Variants in PTPRN2 observed in about 807,000 individuals in gnomAD.
The protein encoded by PTPRN2 is receptor-type tyrosine-protein phosphatase N2.
A neutral mutation model predicts 118.8 loss-of-function variants in PTPRN2; 74 were observed. That is an observed-to-expected ratio of 0.62 (90% CI 0.52 to 0.76). PTPRN2 has a LOEUF of 0.76. Ranked by LOEUF, PTPRN2 falls within the 30% of genes least tolerant of loss-of-function variation. The probability of loss-of-function intolerance (pLI) is 0.00; values close to 1 mark genes in which losing one functional copy is unlikely to be tolerated. For missense variants in PTPRN2, 1,481 were observed against 1,394.4 expected (o/e 1.06, Z -0.99); for synonymous variants, 641 against 608.0 (o/e 1.05, Z -0.80).
chr7:158,357,039 T>C (rs557979868), intron 2 of PTPRN2, among the ~76,000 whole-genome samples: 1 of 152,306 alleles, frequency 6.6e-6, no homozygotes, highest in South Asian at 2.1e-4. Context: ...TTTCTGCAAG[T>C]AACAGAGTGG....
intron 3 of PTPRN2, among the ~76,000 whole-genome samples, chr7:158,306,400 A>T (rs1302382244): frequency 3.9e-5 from 6 of 152,212 alleles, no homozygotes; most frequent in African/African-American, 1.2e-4. Flanking sequence ...GCTCTGGGCC[A>T]GCATGAAGTG....
chr7:158,484,330 C>A (rs1820848646), intron 2 of PTPRN2, among the ~76,000 whole-genome samples: 1 of 152,162 alleles, frequency 6.6e-6, no homozygotes, highest in African/African-American at 2.4e-5. Flanking sequence ...TCTCTACCGA[C>A]TTACCTCTCC....
chr7:157,571,269 T>C (rs527476496), intron 20 of PTPRN2, among the ~76,000 whole-genome samples, 171 bp downstream of exon 20: 3 of 150,088 alleles, frequency 2.0e-5, no homozygotes, highest in African/African-American at 7.4e-5. Flanking sequence ...CAACGCCCAA[T>C]TGTATTTACC....
At chr7:158,576,368 C>T (rs777288122) in intron 1 of PTPRN2, among the ~76,000 whole-genome samples, 11 of 152,244 alleles carry the variant, frequency 7.2e-5, no homozygotes, top group Non-Finnish European at 1.5e-4. Flanking sequence ...CACAACTCTG[C>T]CTCAAAGCCT....
chr7:158,076,331 G>A (rs1018372521), intron 11 of PTPRN2, among the ~76,000 whole-genome samples: 1 of 152,186 alleles, frequency 6.6e-6, no homozygotes, highest in South Asian at 2.1e-4. Context: ...GTGTGTGGGA[G>A]CGTGGATGGC....
At chr7:157,841,316 C>A (rs534872422) in intron 12 of PTPRN2, among the ~76,000 whole-genome samples, 1 of 152,338 alleles carries the variant, frequency 6.6e-6, no homozygotes, top group South Asian at 2.1e-4. Context: ...AAACTGTGAA[C>A]GAGGACATTA....
intron 2 of PTPRN2, among the ~76,000 whole-genome samples, chr7:158,440,891 T>G (rs1016266895): frequency 2.2e-3 from 264 of 120,180 alleles, no homozygotes; most frequent in Non-Finnish European, 4.1e-3. Flanking sequence ...GTGGTGAAGG[T>G]GGTGGTGGTG....
chr7:158,506,608 C>G (rs1449602211), intron 1 of PTPRN2, among the ~76,000 whole-genome samples: 1 of 151,812 alleles, frequency 6.6e-6, no homozygotes, highest in Non-Finnish European at 1.5e-5. Context: ...TCTACAGGAG[C>G]CCCATGAACA....
At position 158,187,520 on chromosome 7, in the gene PTPRN2, G is replaced by A. The variant is rs894365579; in HGVS notation, c.549+4807C>T. Among the ~76,000 whole-genome samples the A allele has an allele frequency of 2.0e-5, 3 of 152,044 alleles. No individual in the cohort carries two copies. In the East Asian group the frequency reaches 5.8e-4, roughly 30 times the overall value. On this transcript the variant is annotated intron_variant, in intron 5 of 22. Transcript: ENST00000389418. ...TCTGCACGGCAGCGCTGCAGCCTCT[G>A]GTCACGCACTTCCTGTGCTTATTCA...
At chr7:157,931,360 A>G (rs1450943290) in intron 11 of PTPRN2, among the ~76,000 whole-genome samples, 2 of 152,370 alleles carry the variant, frequency 1.3e-5, no homozygotes, top group Non-Finnish European at 2.9e-5. Context: ...TGCTGCTTCC[A>G]GGCAGGTCCA....
chr7:158,146,526 C>A (rs183395120), intron 6 of PTPRN2, among the ~76,000 whole-genome samples: 2 of 152,058 alleles, frequency 1.3e-5, no homozygotes, highest in East Asian at 3.9e-4. Flanking sequence ...TCAAGACCAT[C>A]CTGACTAACA....
At chr7:158,428,441 A>G (rs1473119635) in intron 2 of PTPRN2, among the ~76,000 whole-genome samples, 4 of 152,156 alleles carry the variant, frequency 2.6e-5, no homozygotes, top group South Asian at 2.1e-4. Context: ...GGAGAAAACT[A>G]AAATTATTTG....
At chr7:158,166,675 G>A (rs1409494137) in intron 6 of PTPRN2, among the ~76,000 whole-genome samples, 2 of 152,028 alleles carry the variant, frequency 1.3e-5, no homozygotes, top group African/African-American at 4.8e-5. Context: ...CCATCCCACT[G>A]TCAGGATCAC....
rs368046405 is a variant in PTPRN2, at chr7:158,426,113, T to A, written c.163+63622A>T. 4.8e-3 allele frequency among the ~76,000 whole-genome samples: 3 copies of A among 622 alleles called. 1 individual carries two copies. The highest frequency in any genetic ancestry group is 7.8e-3 in the Non-Finnish European group (3 of 384). The allele number at this position is 622 out of a possible 152,430, so 0.4% of individuals were successfully genotyped here. A position where few individuals can be genotyped will look rare whatever the true frequency, so the allele number is the denominator to read the frequency against. On this transcript the variant is annotated intron_variant, in intron 2 of 22. Coordinates refer to ENST00000389418, the MANE Select transcript of PTPRN2 (RefSeq NM_002847.5). ...CTGCGCACCGCCGGGAAAGACGCGG[T>A]GTCCGAGACCAGCCTAGCTGAGGCC...
intron 12 of PTPRN2, among the ~76,000 whole-genome samples, chr7:157,698,086 T>G (rs1364540595): frequency 1.3e-5 from 2 of 152,246 alleles, no homozygotes; most frequent in Non-Finnish European, 2.9e-5. Context: ...TGGGAAGATT[T>G]TTAAGATAAG....
intron 2 of PTPRN2, among the ~76,000 whole-genome samples, chr7:158,484,080 G>T (rs1820825588): frequency 6.6e-6 from 1 of 152,188 alleles, no homozygotes; most frequent in South Asian, 2.1e-4. Flanking sequence ...GGAGTTCAAG[G>T]CTGCGTTAGG....
chr7:157,696,702 C>A (rs1225357653), intron 12 of PTPRN2, among the ~76,000 whole-genome samples: 4 of 145,122 alleles, frequency 2.8e-5, no homozygotes, highest in East Asian at 2.1e-4. Context: ...CACCGTCTAC[C>A]CATGCATACT....
At chr7:157,644,808 A>AC (rs1323840737) in intron 14 of PTPRN2, among the ~76,000 whole-genome samples, 39 of 129,704 alleles carry the variant, frequency 3.0e-4, no homozygotes, top group Middle Eastern at 4.4e-3. Context: ...AAAACAAAAA[A>AC]AAAAAAACAA....
chr7:158,199,395 G>C (rs1826457597), intron 4 of PTPRN2, among the ~76,000 whole-genome samples: 1 of 152,184 alleles, frequency 6.6e-6, no homozygotes. Flanking sequence ...GGCTTACTCT[G>C]CTTAAGGGAC....
Sources: allele counts gnomAD v4.1 joint callset (sites outside exome capture counted in the v4.1 genomes callset), GRCh38; gene constraint gnomAD v4.1.1; transcripts MANE v1.5; gene names NCBI Gene and HGNC (gene_info 2026-07-23, HGNC 2026-07-21).